CACNG3: variants seen among roughly 807,000 people sequenced by gnomAD.
CACNG3 encodes the protein voltage-dependent calcium channel gamma-3 subunit.
A neutral mutation model predicts 28.5 loss-of-function variants in CACNG3; 3 were observed. The observed-to-expected ratio is 0.11, with a 90% CI of 0.05 to 0.27. CACNG3 has a LOEUF of 0.27. Among genes scored for constraint, CACNG3 ranks in the 10% least tolerant of loss-of-function variants. The probability of loss-of-function intolerance (pLI) is 1.00; values close to 1 mark genes in which losing one functional copy is unlikely to be tolerated. For missense variants in CACNG3, 236 were observed against 414.4 expected, an observed-to-expected ratio of 0.57 and a Z score of 3.74; for synonymous variants, 174 against 162.2, an observed-to-expected ratio of 1.07 and a Z score of -0.55.
chr16:24,337,091 G>A (rs534946245), intron 1 of CACNG3, among the ~76,000 whole-genome samples: 31 of 152,232 alleles, frequency 2.0e-4, no homozygotes, highest in Admixed American at 5.2e-4. Context: ...TGGGATTACA[G>A]GTGTGAGCCA....
At chr16:24,331,507 A>C (rs1446270683) in intron 1 of CACNG3, among the ~76,000 whole-genome samples, 1 of 152,162 alleles carries the variant, frequency 6.6e-6, no homozygotes. Flanking sequence ...GGTCACTTTC[A>C]ATGATTCCTC....
intron 1 of CACNG3, among the ~76,000 whole-genome samples, chr16:24,304,028 T>A (rs1014497558): frequency 2.0e-5 from 3 of 152,192 alleles, no homozygotes; most frequent in Admixed American, 2.0e-4. Flanking sequence ...GAGACCCCCA[T>A]TTTTAAAAAG....
intron 2 of CACNG3, among the ~76,000 whole-genome samples, chr16:24,350,154 G>C (rs1357811176): frequency 1.3e-5 from 2 of 152,182 alleles, no homozygotes; most frequent in Non-Finnish European, 2.9e-5. Flanking sequence ...AATATTTCCT[G>C]TCTGAGGCAG....
intron 1 of CACNG3, among the ~76,000 whole-genome samples, chr16:24,259,340 C>A (rs556806514): frequency 6.6e-6 from 1 of 152,300 alleles, no homozygotes; most frequent in South Asian, 2.1e-4. Flanking sequence ...GGGGAATTTG[C>A]AGAAGCCTCT....
At chr16:24,276,908 A>G (rs1898760264) in intron 1 of CACNG3, among the ~76,000 whole-genome samples, 1 of 152,216 alleles carries the variant, frequency 6.6e-6, no homozygotes, top group Non-Finnish European at 1.5e-5. Context: ...GGTGGATTGG[A>G]ATTTAAATGT....
At chr16:24,295,466 A>T (rs947729121) in intron 1 of CACNG3, among the ~76,000 whole-genome samples, 2 of 152,178 alleles carry the variant, frequency 1.3e-5, no homozygotes. Context: ...AAAATAACTG[A>T]CAATCAATCG....
intron 1 of CACNG3, among the ~76,000 whole-genome samples, chr16:24,307,274 A>G (rs1899198332): frequency 1.3e-5 from 2 of 152,096 alleles, no homozygotes; most frequent in Admixed American, 1.3e-4. Context: ...GGCACACACC[A>G]CCATACCCAG....
intron 3 of CACNG3, among the ~76,000 whole-genome samples, chr16:24,358,948 C>T (rs1259216452): frequency 6.6e-6 from 1 of 152,182 alleles, no homozygotes. Flanking sequence ...AGATTTTGCA[C>T]AGTGTGTGGC....
rs375118759 is a variant in CACNG3, at chr16:24,336,826, G to A, written c.212-9908G>A. On this transcript the variant is annotated intron_variant, in intron 1 of 3. Transcript: ENST00000005284. ...TTTGTTGTTGTTGTTGTTTTGTTTTGTTTTGTTATATAGAGTCTTCCTCTG... is the reference window on the plus strand; with the variant it reads ...TTTGTTGTTGTTGTTGTTTTGTTTTATTTTGTTATATAGAGTCTTCCTCTG... Among the ~76,000 whole-genome samples, 45 of 151,954 alleles carry A rather than the reference G, an allele frequency of 3.0e-4. 2 individuals carry two copies. The East Asian group carries it at 3.1e-3, about 10-fold the overall frequency.
chr16:24,314,313 C>T (rs992561977), intron 1 of CACNG3, among the ~76,000 whole-genome samples: 7 of 152,144 alleles, frequency 4.6e-5, no homozygotes, highest in Non-Finnish European at 1.0e-4. Context: ...GCCAGAGACG[C>T]TTCTCAGTGT....
chr16:24,297,059 T>A (rs1443375216), intron 1 of CACNG3, among the ~76,000 whole-genome samples: 1 of 151,982 alleles, frequency 6.6e-6, no homozygotes, highest in Non-Finnish European at 1.5e-5. Flanking sequence ...GAGCCCAGCC[T>A]GGGCAACAAA....
chr16:24,299,198 T>C (rs1373492621), intron 1 of CACNG3, among the ~76,000 whole-genome samples: 1 of 152,144 alleles, frequency 6.6e-6, no homozygotes, highest in Non-Finnish European at 1.5e-5. Flanking sequence ...GTGCCTATTC[T>C]CCCCCATAGG....
intron 1 of CACNG3, among the ~76,000 whole-genome samples, chr16:24,269,683 G>A (rs1898658537): frequency 6.8e-6 from 1 of 146,652 alleles, no homozygotes; most frequent in South Asian, 2.2e-4. Context: ...GGAGGTGGAG[G>A]TTTCAGGGAG....
intron 1 of CACNG3, among the ~76,000 whole-genome samples, chr16:24,279,799 T>C (rs1377696250): frequency 6.6e-6 from 1 of 152,130 alleles, no homozygotes; most frequent in Admixed American, 6.5e-5. Context: ...GTTTCTGCCT[T>C]TAACCTTTGG....
intron 1 of CACNG3, among the ~76,000 whole-genome samples, chr16:24,269,746 C>CAAAAAAAAAAAAAAAAAAAAAAAAAA (rs1163565728): frequency 2.8e-5 from 2 of 71,082 alleles, no homozygotes; most frequent in Non-Finnish European, 2.9e-5. Flanking sequence ...GACTCCATCT[C>CAAAAAAAAAAAAAAAAAAAAAAAAAA]AAAAAAAAAA....
At chr16:24,340,509 A>G (rs1393076702) in intron 1 of CACNG3, among the ~76,000 whole-genome samples, 1 of 152,176 alleles carries the variant, frequency 6.6e-6, no homozygotes, top group Non-Finnish European at 1.5e-5. Flanking sequence ...TCAAAGTATC[A>G]CTCTGTATCC....
At chr16:24,267,670 ATTTG>A (rs1268132084) in intron 1 of CACNG3, among the ~76,000 whole-genome samples, 1 of 151,612 alleles carries the variant, frequency 6.6e-6, no homozygotes, top group Admixed American at 6.6e-5. Context: ...TTGTGCATTC[ATTTG>A]TTTGTTTGTT....
chr16:24,265,308 A>G lies in CACNG3; in HGVS notation c.211+8343A>G, dbSNP rs542334144. 8.0e-5 allele frequency among the ~76,000 whole-genome samples: 12 copies of G among 150,918 alleles called. 1 individual carries two copies. Among genetic ancestry groups the G allele is most frequent in the Admixed American group, 4.0e-4 (6 of 15,080 alleles). On this transcript the variant is annotated intron_variant, in intron 1 of 3. Coordinates refer to ENST00000005284, the MANE Select transcript of CACNG3 (RefSeq NM_006539.4). ...GAAGGGAGGAAGGAAGGAAGGAAAAAGAGAAGGAAGGAAGGAAAAGAAAGA... is the reference window on the plus strand; with the variant it reads ...GAAGGGAGGAAGGAAGGAAGGAAAAGGAGAAGGAAGGAAGGAAAAGAAAGA...
At chr16:24,347,976 G>A (rs148737376) in intron 2 of CACNG3, among the ~76,000 whole-genome samples, 19 of 152,280 alleles carry the variant, frequency 1.2e-4, no homozygotes, top group Admixed American at 2.0e-4. Context: ...ATTAGCTCCC[G>A]TTTCTTGCAT....
Sources: gnomAD v4.1 joint callset for allele counts (sites outside exome capture counted in the v4.1 genomes callset) on GRCh38, gnomAD v4.1.1 for gene constraint, MANE v1.5 for transcripts, NCBI Gene and HGNC (gene_info 2026-07-23, HGNC 2026-07-21) for gene names.